The following KYNU variants were observed in gnomAD, a reference collection of about 807,000 sequenced individuals.
KYNU encodes L-kynurenine hydrolase.
KYNU carries 54 observed loss-of-function variants against 59.2 expected under a neutral mutation model. That is an observed-to-expected ratio of 0.91 (90% CI 0.73 to 1.14). The LOEUF is 1.14. Ranked by LOEUF, KYNU falls within the 50% of genes most tolerant of loss-of-function variation. The probability of loss-of-function intolerance (pLI) is 0.00; values close to 1 mark genes in which losing one functional copy is unlikely to be tolerated. For missense variants in KYNU, 567 were observed against 554.4 expected, an observed-to-expected ratio of 1.02 and a Z score of -0.23; for synonymous variants, 177 against 192.0, an observed-to-expected ratio of 0.92 and a Z score of 0.65.
At chr2:142,920,550 T>C (rs908724233) in intron 3 of KYNU, among the ~76,000 whole-genome samples, 18 of 152,244 alleles carry the variant, frequency 1.2e-4, no homozygotes, top group Non-Finnish European at 1.0e-4. Flanking sequence ...GACTTTAAAG[T>C]TGCATTTCAG....
At chr2:142,964,016 T>G (rs1277081963) in intron 8 of KYNU, among the ~76,000 whole-genome samples, 1 of 152,134 alleles carries the variant, frequency 6.6e-6, no homozygotes, top group Admixed American at 6.6e-5. Flanking sequence ...AATTTGGGAT[T>G]TTAGATGCTC....
At position 142,976,778 on chromosome 2, in the gene KYNU, A is replaced by C. The variant is rs571561301; in HGVS notation, c.730-8306A>C. On this transcript the variant is annotated intron_variant, in intron 8 of 13. Coordinates refer to ENST00000264170, the MANE Select transcript of KYNU (RefSeq NM_003937.3). ...CATGTGCCCAAGGTGGTCAGGGTAC[A>C]GCTTGCTTTTATACATTTTAGGGAG... 2.0e-5 allele frequency among the ~76,000 whole-genome samples: 3 copies of C among 152,266 alleles called. No individual in the cohort carries two copies. The South Asian group carries it at 6.2e-4, about 32-fold the overall frequency.
At chr2:142,883,476 GC>G (rs1681380362) in intron 1 of KYNU, among the ~76,000 whole-genome samples, 1 of 151,992 alleles carries the variant, frequency 6.6e-6, no homozygotes. Flanking sequence ...GGGATTACAG[GC>G]GTGAGCCACT....
rs1332583519 is a variant in KYNU, at chr2:143,044,576, A to G, written c.*2404A>G. 3 of 152,196 alleles carry G rather than the reference A, an allele frequency of 2.0e-5. No homozygotes were observed. Among genetic ancestry groups the G allele is most frequent in the African/African-American group, 7.2e-5 (3 of 41,442 alleles). The allele number at this position is 152,196 out of a possible 1,614,324, so 9.4% of individuals were successfully genotyped here. A position where few individuals can be genotyped will look rare whatever the true frequency, so the allele number is the denominator to read the frequency against. ...TGTGGTTTTGATTTGCATTTCTCTA[A>G]TGACCAGTGATGATGAGTTTTTTTT... On this transcript the variant is annotated 3_prime_UTR_variant, in exon 14 of 14. Transcript: ENST00000264170.
intron 12 of KYNU, among the ~76,000 whole-genome samples, chr2:143,039,744 A>G (rs1040739495): frequency 2.0e-5 from 3 of 152,150 alleles, no homozygotes; most frequent in African/African-American, 7.2e-5. Context: ...TTAATCTACA[A>G]CTAAGGTCTG....
chr2:143,053,194 AG>A lies in KYNU; in HGVS notation c.*11024del, dbSNP rs1432459948. On this transcript the variant is annotated 3_prime_UTR_variant, in exon 14 of 14. Transcript: ENST00000264170. ...CAATGCCTGTATCCCCATTGTATCT[AG>A]GAAGTAACTAACTTGCTTTTGATTT... 1 of 152,028 alleles carries A rather than the reference AG, an allele frequency of 6.6e-6. No homozygotes were observed. Among genetic ancestry groups the A allele is most frequent in the African/African-American group, 2.4e-5 (1 of 41,416 alleles). 9.4% of individuals were successfully genotyped at this position (152,028 alleles called of 1,614,324 possible).
chr2:142,984,989 T>A, intron 8 of KYNU, 95 bp from the exon 9 acceptor site: 1 of 798,370 alleles, frequency 1.3e-6, no homozygotes, highest in Non-Finnish European at 2.2e-6. Flanking sequence ...TAATTTATGG[T>A]ACAGAAGTTT....
chr2:142,942,834 G>A (rs1403581493), intron 4 of KYNU, among the ~76,000 whole-genome samples: 1 of 152,150 alleles, frequency 6.6e-6, no homozygotes, highest in Non-Finnish European at 1.5e-5. Flanking sequence ...TTCTTCCCTT[G>A]GGATGGGCTG....
At chr2:143,033,356 TGC>T in intron 12 of KYNU, 35 bp downstream of exon 12, 1 of 1,487,022 alleles carries the variant, frequency 6.7e-7, no homozygotes. Context: ...CCCACATCTT[TGC>T]GTTTTTTCTT....
intron 10 of KYNU, among the ~76,000 whole-genome samples, chr2:143,006,407 G>C (rs533073178): frequency 1.5e-4 from 22 of 151,674 alleles, no homozygotes; most frequent in Admixed American, 2.0e-4. Context: ...AGGGTCCTAC[G>C]CCCATGGAAT....
chr2:142,914,371 G>A (rs555457213), intron 2 of KYNU, among the ~76,000 whole-genome samples: 13 of 152,246 alleles, frequency 8.5e-5, no homozygotes, highest in South Asian at 4.1e-4. Flanking sequence ...ACTTGAAGTC[G>A]TAGCATTTAC....
intron 8 of KYNU, among the ~76,000 whole-genome samples, chr2:142,961,119 G>T (rs1684331265): frequency 6.6e-6 from 1 of 151,742 alleles, no homozygotes; most frequent in Non-Finnish European, 1.5e-5. Context: ...CTTGAACTCG[G>T]GCGGTGGAGA....
intron 10 of KYNU, among the ~76,000 whole-genome samples, chr2:143,006,957 A>G (rs1685926847): frequency 1.3e-5 from 2 of 151,916 alleles, no homozygotes; most frequent in Non-Finnish European, 2.9e-5. Context: ...AAGATGGGGA[A>G]AAAACAGAAC....
At chr2:142,952,112 T>A (rs997734156) in intron 4 of KYNU, among the ~76,000 whole-genome samples, 1 of 152,174 alleles carries the variant, frequency 6.6e-6, no homozygotes, top group African/African-American at 2.4e-5. Flanking sequence ...AGACAGAATC[T>A]CCCTCTGTCA....
intron 10 of KYNU, among the ~76,000 whole-genome samples, chr2:143,015,881 T>A (rs77582721): frequency 0.022 from 3,324 of 152,316 alleles, 60 homozygotes; most frequent in Non-Finnish European, 0.034. Context: ...GTGAAATTCA[T>A]TGATAGGTTC....
intron 12 of KYNU, among the ~76,000 whole-genome samples, chr2:143,034,069 A>T (rs551371886): frequency 1.8e-4 from 28 of 151,910 alleles, no homozygotes; most frequent in African/African-American, 6.7e-4. Flanking sequence ...CTTAGATACT[A>T]TTATTTAGTG....
intron 12 of KYNU, among the ~76,000 whole-genome samples, chr2:143,036,285 G>A (rs1686892107): frequency 6.6e-6 from 1 of 151,992 alleles, no homozygotes; most frequent in East Asian, 1.9e-4. Context: ...AGAGTACACC[G>A]AACAAAGGAG....
At chr2:142,976,105 G>C (rs1390603051) in intron 8 of KYNU, among the ~76,000 whole-genome samples, 1 of 152,104 alleles carries the variant, frequency 6.6e-6, no homozygotes. Flanking sequence ...GAAAGCAATG[G>C]GCATTACAAC....
chr2:142,977,390 TA>T (rs1361822213), intron 8 of KYNU, among the ~76,000 whole-genome samples: 3 of 150,356 alleles, frequency 2.0e-5, no homozygotes, highest in African/African-American at 2.4e-5. Flanking sequence ...TATATATGAA[TA>T]ATCATATTCA....
Sources: allele counts gnomAD v4.1 joint callset (sites outside exome capture counted in the v4.1 genomes callset), GRCh38; gene constraint gnomAD v4.1.1; transcripts MANE v1.5; gene names NCBI Gene and HGNC (gene_info 2026-07-23, HGNC 2026-07-21).